CWH43: variants seen among roughly 807,000 people sequenced by gnomAD.
CWH43 encodes the protein PGAP2-interacting protein.
Under a neutral mutation model 85.7 loss-of-function variants are expected in CWH43, and 91 were observed. The observed-to-expected ratio is 1.06, with a 90% CI of 0.90 to 1.26. The LOEUF is 1.26. Ranked by LOEUF, CWH43 falls within the 50% of genes most tolerant of loss-of-function variation. The pLI is 0.00. For synonymous variants in CWH43, 323 were observed against 293.6 expected, an observed-to-expected ratio of 1.10 and a Z score of -1.02; for missense variants, 869 against 839.2, an observed-to-expected ratio of 1.04 and a Z score of -0.44.
rs546708634 is a variant in CWH43, at chr4:49,045,858, A to G, written c.1865+1011A>G. 2.6e-5 allele frequency among the ~76,000 whole-genome samples: 4 copies of G among 152,280 alleles called. No individual in the cohort carries two copies. In the East Asian group the frequency reaches 5.8e-4, roughly 22 times the overall value. ...TGCATATCAATTACCTTAAACATTT[A>G]TCATTTCTTTGTTGTAAGAATATTC... On this transcript the variant is annotated intron_variant, in intron 14 of 15. Transcript: ENST00000226432.
chr4:49,060,750 G>T (rs1785128943), intron 15 of CWH43, among the ~76,000 whole-genome samples: 1 of 152,074 alleles, frequency 6.6e-6, no homozygotes, highest in South Asian at 2.1e-4. Flanking sequence ...ATATTTTTGT[G>T]CATGGATAGT....
intron 14 of CWH43, among the ~76,000 whole-genome samples, chr4:49,046,331 T>C (rs1347492723): frequency 2.6e-5 from 4 of 152,202 alleles, no homozygotes; most frequent in African/African-American, 9.6e-5. Flanking sequence ...CATTCATTCA[T>C]TCATTCATTT....
intron 4 of CWH43, 68 bp from the exon 5 acceptor site, chr4:48,994,551 C>A: frequency 7.6e-7 from 1 of 1,322,246 alleles, no homozygotes; most frequent in Non-Finnish European, 1.1e-6. Context: ...TGCTAAAAGT[C>A]TGCTAAATAT....
chr4:49,013,502 C>T (rs1783435795), intron 8 of CWH43, among the ~76,000 whole-genome samples: 1 of 152,256 alleles, frequency 6.6e-6, no homozygotes, highest in South Asian at 2.1e-4. Flanking sequence ...GCTGTGCCCA[C>T]TGTGCAACCA....
intron 5 of CWH43, among the ~76,000 whole-genome samples, chr4:48,996,278 A>G (rs1213432437): frequency 6.7e-6 from 1 of 149,796 alleles, no homozygotes; most frequent in East Asian, 1.9e-4. Context: ...ATCAATTTTT[A>G]TATATGTGTT....
intron 9 of CWH43, among the ~76,000 whole-genome samples, chr4:49,019,457 G>A (rs528475436): frequency 6.6e-6 from 1 of 152,322 alleles, no homozygotes; most frequent in Admixed American, 6.5e-5. Flanking sequence ...AAGAGTAGTA[G>A]AAGATGACGT....
chr4:49,051,668 C>T (rs984669422), intron 15 of CWH43, among the ~76,000 whole-genome samples: 2 of 152,126 alleles, frequency 1.3e-5, no homozygotes, highest in African/African-American at 2.4e-5. Flanking sequence ...CCTCTGCCTC[C>T]TGGGTTAAAG....
Position 49,013,467 on chromosome 4 carries a change from C to T in CWH43, c.1187-3782C>T, listed in dbSNP as rs576246698. Among the ~76,000 whole-genome samples the T allele has an allele frequency of 3.9e-5, 6 of 152,352 alleles. No individual in the cohort carries two copies. The South Asian group carries it at 1.2e-3, about 32-fold the overall frequency. On this transcript the variant is annotated intron_variant, in intron 8 of 15. Coordinates refer to ENST00000226432, the MANE Select transcript of CWH43 (RefSeq NM_025087.3). ...ACTTCCCGGGTGAGGTGATGCCACG[C>T]CCTACTTCAGATCACCCTCCATGGG...
intron 10 of CWH43, among the ~76,000 whole-genome samples, chr4:49,029,447 C>T (rs1432795124): frequency 6.6e-6 from 1 of 152,136 alleles, no homozygotes; most frequent in Non-Finnish European, 1.5e-5. Flanking sequence ...TCCAAGGTTT[C>T]CCCCCACTGA....
chr4:48,999,761 C>T (rs2109755025), intron 6 of CWH43, among the ~76,000 whole-genome samples: 1 of 152,290 alleles, frequency 6.6e-6, no homozygotes, highest in African/African-American at 2.4e-5. Flanking sequence ...GATGAAGCTC[C>T]ATTTCCCTTT....
At position 49,050,766 on chromosome 4, in the gene CWH43, T is replaced by C. The variant is rs566266749; in HGVS notation, c.1938T>C (p.Pro646=). The C allele has an allele frequency of 6.2e-7, 1 of 1,611,444 alleles. No individual in the cohort carries two copies. Among genetic ancestry groups the C allele is most frequent in the African/African-American group, 1.3e-5 (1 of 74,870 alleles). ...TTCAGATGGCAAAATTTAGGATCCC[T>C]GATGACCCCACTAATTATAGAGACA... The part of the protein sequence containing the change: ...SEIQMAKFRI[P]DDPTNYRDNQ... The change falls in exon 15 of 16, where the codon CCT becomes CCC. Residue 646 remains proline, a synonymous_variant. Coordinates refer to ENST00000226432, the MANE Select transcript of CWH43 (RefSeq NM_025087.3).
At chr4:49,031,153 A>G in intron 11 of CWH43, 193 bp downstream of exon 11, 1 of 513,408 alleles carries the variant, frequency 1.9e-6, no homozygotes, top group Middle Eastern at 4.6e-4. Context: ...GGATATTTCC[A>G]GTTCTTCAGC....
rs539781000 is a variant in CWH43 at position 48,997,480 on chromosome 4, C to T, written c.714-980C>T. Among the ~76,000 whole-genome samples, 21 of 152,262 alleles carry T rather than the reference C, an allele frequency of 1.4e-4. No homozygotes were observed. In the East Asian group the frequency reaches 3.5e-3, roughly 25 times the overall value. On this transcript the variant is annotated intron_variant, in intron 5 of 15. Transcript: ENST00000226432. ...CAAACACCTAGAATGGAGCCTGGCA[C>T]ATAGTGGGCACTCAAAAATATTTGT...
intron 8 of CWH43, among the ~76,000 whole-genome samples, chr4:49,010,338 T>G (rs1306905725): frequency 6.6e-6 from 1 of 152,230 alleles, no homozygotes; most frequent in Non-Finnish European, 1.5e-5. Flanking sequence ...TTATCATTTT[T>G]TATCATGTCT....
chr4:49,045,082 G>A (rs559722569), intron 14 of CWH43, among the ~76,000 whole-genome samples: 6 of 152,258 alleles, frequency 3.9e-5, no homozygotes, highest in South Asian at 4.1e-4. Context: ...TTATATAAGA[G>A]GGTACTGTGT....
intron 15 of CWH43, 70 bp downstream of exon 15, chr4:49,050,919 C>G: frequency 9.5e-7 from 1 of 1,052,050 alleles, no homozygotes; most frequent in East Asian, 2.5e-5. Flanking sequence ...CATATTACCT[C>G]AAAATGAGCT....
Position 49,030,940 on chromosome 4 carries a change from C to G in CWH43, c.1488C>G (p.Ser496Arg), listed in dbSNP as rs372124858. The G allele has an allele frequency of 3.8e-6, 6 of 1,599,868 alleles. No individual in the cohort carries two copies. The highest frequency in any genetic ancestry group is 4.3e-6 in the Non-Finnish European group (5 of 1,175,098). The part of the protein sequence containing the change: ...KLGFYTDFGP[S>R]TRYHTWGIMA... ...GTTTCTATACAGACTTTGGTCCAAG[C>G]ACAAGGTATCACACTTGGGGGTGAG... Residue 496 changes from serine to arginine, a missense_variant, in exon 11 of 16, where the codon AGC (serine) becomes AGG (arginine). Physicochemically the swap from Ser to Arg is moderately radical, Grantham distance 110. This residue lies in a region of CWH43 where 577 missense variants were observed against 513.1 expected (regional missense o/e 1.12). Transcript: ENST00000226432.
chr4:48,998,772 T>C (rs886402091), intron 6 of CWH43, among the ~76,000 whole-genome samples: 2 of 152,202 alleles, frequency 1.3e-5, no homozygotes, highest in Non-Finnish European at 2.9e-5. Flanking sequence ...CCTCCTCCTG[T>C]GGCTGTGCTG....
At position 49,039,887 on chromosome 4, in the gene CWH43, C is replaced by T. The variant is rs545505830; in HGVS notation, c.1803+1707C>T. On this transcript the variant is annotated intron_variant, in intron 13 of 15. Coordinates refer to ENST00000226432, the MANE Select transcript of CWH43 (RefSeq NM_025087.3). The stretch of plus-strand genomic sequence containing the variant: ...ATTAGGTATATCTCCTAATGCTATC[C>T]CTCCCCCGTCCCCACACCCCACAAC... Among the ~76,000 whole-genome samples, 52 of 151,592 alleles carry T rather than the reference C, an allele frequency of 3.4e-4. No homozygotes were observed. The South Asian group carries it at 0.011, about 31-fold the overall frequency.
Sources: allele counts gnomAD v4.1 joint callset (sites outside exome capture counted in the v4.1 genomes callset), GRCh38; gene constraint gnomAD v4.1.1; regional missense constraint gnomAD v4.1.1; transcripts MANE v1.5; gene names NCBI Gene and HGNC (gene_info 2026-07-23, HGNC 2026-07-21).